Variants in DAP observed in about 807,000 individuals in gnomAD.
DAP encodes the protein death associated protein.
A neutral mutation model predicts 13.8 loss-of-function variants in DAP; 8 were observed. The observed-to-expected ratio is 0.58, with a 90% CI of 0.34 to 1.05. The LOEUF (loss-of-function observed/expected upper bound fraction) is 1.05, where lower values mean the gene tolerates loss of function less well. Ranked by LOEUF, DAP falls within the 50% of genes least tolerant of loss-of-function variation. DAP has a pLI of 0.03. For missense variants in DAP, 106 were observed against 133.2 expected (o/e 0.80, Z 1.01); for synonymous variants, 47 against 47.5 (o/e 0.99, Z 0.04).
chr5:10,711,846 G>A (rs763217460), intron 2 of DAP, among the ~76,000 whole-genome samples: 9 of 152,230 alleles, frequency 5.9e-5, no homozygotes, highest in South Asian at 2.1e-4. Flanking sequence ...CAAGCACTGC[G>A]TGGGTACAAA....
At chr5:10,712,620 G>A (rs1242504549) in intron 2 of DAP, among the ~76,000 whole-genome samples, 1 of 152,120 alleles carries the variant, frequency 6.6e-6, no homozygotes, top group Non-Finnish European at 1.5e-5. Flanking sequence ...GGATGGGGTG[G>A]GGGAGACTGG....
chr5:10,744,110 T>A (rs1267710323), intron 2 of DAP, among the ~76,000 whole-genome samples: 1 of 152,216 alleles, frequency 6.6e-6, no homozygotes, highest in Non-Finnish European at 1.5e-5. Context: ...AGTACTTGAT[T>A]TTCCAATTAA....
At chr5:10,718,219 G>T (rs1002879999) in intron 2 of DAP, among the ~76,000 whole-genome samples, 1 of 152,178 alleles carries the variant, frequency 6.6e-6, no homozygotes, top group East Asian at 1.9e-4. Flanking sequence ...CATCATTGTG[G>T]TCCTCAGTTA....
chr5:10,760,211 C>T (rs1740304840), intron 1 of DAP, among the ~76,000 whole-genome samples: 3 of 152,198 alleles, frequency 2.0e-5, no homozygotes, highest in African/African-American at 7.2e-5. Context: ...AGTGACTTGG[C>T]TTCTGAGACC....
At chr5:10,750,320 G>A (rs527366404) in intron 1 of DAP, among the ~76,000 whole-genome samples, 2 of 152,298 alleles carry the variant, frequency 1.3e-5, no homozygotes, top group East Asian at 3.9e-4. Flanking sequence ...AATTTCCCTG[G>A]GAGACTTGGC....
At position 10,679,534 on chromosome 5, in the gene DAP, G is replaced by C. The variant is rs1289442397; in HGVS notation, c.*1522C>G. The C allele has an allele frequency of 6.6e-6, 1 of 152,518 alleles. No individual in the cohort carries two copies. Among genetic ancestry groups the C allele is most frequent in the Non-Finnish European group, 1.5e-5 (1 of 68,196 alleles). 9.4% of individuals were successfully genotyped at this position (152,518 alleles called of 1,614,324 possible). A position where few individuals can be genotyped will look rare whatever the true frequency, so the allele number is the denominator to read the frequency against. On this transcript the variant is annotated 3_prime_UTR_variant, in exon 4 of 4. Transcript: ENST00000230895. ...TGGGTGCTGCTCCGAAAGGCAGGCT[G>C]GGAGGTGCTTGCTGGGGTGTTCCAT...
chr5:10,700,918 G>GA (rs1738561993), intron 2 of DAP, among the ~76,000 whole-genome samples: 1 of 152,282 alleles, frequency 6.6e-6, no homozygotes, highest in African/African-American at 2.4e-5. Flanking sequence ...GCACAAGGCA[G>GA]AATGTGTGAA....
intron 2 of DAP, among the ~76,000 whole-genome samples, chr5:10,697,933 G>T (rs1396415664): frequency 6.6e-6 from 1 of 152,280 alleles, no homozygotes; most frequent in East Asian, 1.9e-4. Flanking sequence ...TGTCTGGCTG[G>T]AAAGTCACAG....
chr5:10,749,738 C>G (rs1172943004), intron 1 of DAP, among the ~76,000 whole-genome samples: 1 of 143,686 alleles, frequency 7.0e-6, no homozygotes. Context: ...TATCTGACCA[C>G]ACAACTTTTT....
At chr5:10,753,816 C>T (rs946298558) in intron 1 of DAP, among the ~76,000 whole-genome samples, 11 of 152,218 alleles carry the variant, frequency 7.2e-5, no homozygotes, top group African/African-American at 2.4e-4. Flanking sequence ...TATATGCTAC[C>T]TTTGTTCTTG....
rs112957696 is a variant in DAP, at chr5:10,759,490, A to C, written c.55+1524T>G. Among the ~76,000 whole-genome samples, 628 of 152,262 alleles carry C rather than the reference A, an allele frequency of 4.1e-3. 7 individuals carry two copies. The highest frequency in any genetic ancestry group is 0.014 in the African/African-American group (589 of 41,558). ...TTTTTTCTTAAAACCAATGCAACAC[A>C]AATTCCCCCAAAACCATTTTCCATC... On this transcript the variant is annotated intron_variant, in intron 1 of 3. Transcript: ENST00000230895.
chr5:10,694,857 G>A (rs965722941), intron 2 of DAP, among the ~76,000 whole-genome samples: 1 of 152,176 alleles, frequency 6.6e-6, no homozygotes, highest in Admixed American at 6.5e-5. Flanking sequence ...CACAGAGCCT[G>A]CAGGGCAGCC....
chr5:10,717,011 T>G (rs568873101), intron 2 of DAP, among the ~76,000 whole-genome samples: 1 of 152,356 alleles, frequency 6.6e-6, no homozygotes, highest in South Asian at 2.1e-4. Flanking sequence ...TTTAGACTTA[T>G]GCAAAATAAA....
At chr5:10,726,294 T>C (rs1429913481) in intron 2 of DAP, among the ~76,000 whole-genome samples, 3 of 152,222 alleles carry the variant, frequency 2.0e-5, no homozygotes, top group Non-Finnish European at 4.4e-5. Flanking sequence ...TTTAACACAG[T>C]GTTCATACAT....
intron 2 of DAP, among the ~76,000 whole-genome samples, chr5:10,725,528 G>A (rs1739268061): frequency 6.6e-6 from 1 of 152,180 alleles, no homozygotes. Context: ...ACACTGCCGT[G>A]GTGTCTTATA....
chr5:10,696,291 A>G (rs1738437133), intron 2 of DAP, among the ~76,000 whole-genome samples: 1 of 152,196 alleles, frequency 6.6e-6, no homozygotes, highest in Non-Finnish European at 1.5e-5. Flanking sequence ...TCTGAGGGGC[A>G]CAGCCCAGGC....
In DAP at chr5:10,680,671, T is replaced by C. The variant is rs1038221539; in HGVS notation, c.*385A>G. On this transcript the variant is annotated 3_prime_UTR_variant, in exon 4 of 4. Coordinates refer to ENST00000230895, the MANE Select transcript of DAP (RefSeq NM_004394.3). ...TTGGCCCATACTAAAAAGCATGCAA[T>C]GACTGAGGTTTTCTCCTAACCTTAA... 25 of 1,426,240 alleles carry C rather than the reference T, an allele frequency of 1.8e-5. No individual in the cohort carries two copies. Among genetic ancestry groups the C allele is most frequent in the Non-Finnish European group, 2.4e-5 (25 of 1,056,764 alleles). The allele number at this position is 1,426,240 out of a possible 1,614,324, so 88.3% of individuals were successfully genotyped here. A position where few individuals can be genotyped will look rare whatever the true frequency, so the allele number is the denominator to read the frequency against.
chr5:10,730,801 C>G (rs1264318036), intron 2 of DAP, among the ~76,000 whole-genome samples: 5 of 122,432 alleles, frequency 4.1e-5, no homozygotes, highest in Admixed American at 3.6e-4. Flanking sequence ...TATTGAGAGC[C>G]CTGGTGGGGG....
intron 1 of DAP, among the ~76,000 whole-genome samples, chr5:10,756,547 G>A (rs1579825741): frequency 6.6e-6 from 1 of 152,118 alleles, no homozygotes; most frequent in Admixed American, 6.5e-5. Context: ...AAATATAATC[G>A]TGCTTATATT....
Sources: allele counts gnomAD v4.1 joint callset (sites outside exome capture counted in the v4.1 genomes callset), GRCh38; gene constraint gnomAD v4.1.1; transcripts MANE v1.5; gene names NCBI Gene and HGNC (gene_info 2026-07-23, HGNC 2026-07-21).